The following ABCG1 variants were observed in gnomAD, a reference collection of about 807,000 sequenced individuals.
ABCG1 encodes ATP-binding cassette sub-family G member 1.
A neutral mutation model predicts 69.2 loss-of-function variants in ABCG1; 29 were observed. That is an observed-to-expected ratio of 0.42 (90% CI 0.31 to 0.57). The LOEUF is 0.57. ABCG1 is among the 20% of genes least tolerant of loss of function. The pLI is 0.15. For missense variants in ABCG1, 718 were observed against 898.1 expected (o/e 0.80, Z 2.56); for synonymous variants, 370 against 374.8 (o/e 0.99, Z 0.15).
At chr21:42,259,790 G>A (rs1013956219) in intron 2 of ABCG1, among the ~76,000 whole-genome samples, 50 of 152,238 alleles carry the variant, frequency 3.3e-4, no homozygotes, top group Non-Finnish European at 8.8e-5. Context: ...AGAGGCAGAG[G>A]TGGGGTGTTT....
At chr21:42,256,337 G>T (rs773516073) in intron 2 of ABCG1, 1 of 1,549,768 alleles carries the variant, frequency 6.5e-7, no homozygotes, top group Non-Finnish European at 8.7e-7. Context: ...CTCTCTGCTG[G>T]GGCTCCGGGA....
chr21:42,237,308 G>A (rs1358685719), intron 2 of ABCG1, among the ~76,000 whole-genome samples: 2 of 152,206 alleles, frequency 1.3e-5, no homozygotes, highest in Non-Finnish European at 1.5e-5. Context: ...CTGCGTCTCC[G>A]CAGCCACTCC....
intron 2 of ABCG1, among the ~76,000 whole-genome samples, chr21:42,233,209 G>A (rs778543103): frequency 5.3e-5 from 8 of 152,160 alleles, no homozygotes; most frequent in Admixed American, 1.3e-4. Flanking sequence ...TGTCACCTCC[G>A]TGCTCTGTGG....
Position 42,290,208 on chromosome 21 carries a change from T to C in ABCG1, c.1383T>C (p.Thr461=), listed in dbSNP as rs1397276759. ...LFLMFAALMP[T]VLTFPLEMGV... ...TCATGTTCGCGGCCCTCATGCCTAC[T>C]GTTCTGACATGTGAGTGACAGACCG... Residue 461 remains threonine, a synonymous_variant, in exon 11 of 15, where the codon ACT becomes ACC. Transcript: ENST00000398449. 1 of 1,614,020 alleles carries C rather than the reference T, an allele frequency of 6.2e-7. No homozygotes were observed. The highest frequency in any genetic ancestry group is 8.5e-7 in the Non-Finnish European group (1 of 1,179,864).
At chr21:42,214,807 T>A (rs1218742951), upstream of ABCG1, among the ~76,000 whole-genome samples, 1 of 152,174 alleles carries the variant, frequency 6.6e-6, no homozygotes, top group African/African-American at 2.4e-5. Flanking sequence ...CTCCCCATTC[T>A]CCTACCCAGT....
rs1316443100 is a variant in ABCG1 at position 42,288,647 on chromosome 21, G to T, written c.1224+335G>T. ...GCTTGAACCCAGGGGGGCGGAGATT[G>T]CAGTGAGCCGAGATTGCACCACTGC... On this transcript the variant is annotated intron_variant, in intron 10 of 14. Transcript: ENST00000398449. This position sits in a 1 kb window ranked among gnomAD's most constrained non-coding sequence, Gnocchi z 4.8. 6.6e-6 allele frequency among the ~76,000 whole-genome samples: 1 copy of T among 152,094 alleles called. No individual in the cohort carries two copies. The highest frequency in any genetic ancestry group is 2.4e-5 in the African/African-American group (1 of 41,386).
At chr21:42,204,263 C>T (rs1353947461) in intron 2 of ABCG1, among the ~76,000 whole-genome samples, 1 of 152,098 alleles carries the variant, frequency 6.6e-6, no homozygotes, top group Admixed American at 6.5e-5. Context: ...ACCACACTGG[C>T]TGGAAATTCC....
chr21:42,250,140 C>T (rs1280638020), intron 2 of ABCG1, among the ~76,000 whole-genome samples: 1 of 151,916 alleles, frequency 6.6e-6, no homozygotes, highest in Admixed American at 6.6e-5. Flanking sequence ...GATTCTAAGT[C>T]TAAACCACTG....
chr21:42,295,614 A>G lies in ABCG1; in HGVS notation c.1773-550A>G, dbSNP rs547197175. On this transcript the variant is annotated intron_variant, in intron 14 of 14. Transcript: ENST00000398449. ...ACAAGCTCTTCTTCTCTAGAATGTC[A>G]GTTCAGACTTAGGTATATTGTTCAA... is the stretch of plus-strand genomic sequence containing the variant. 9.2e-5 allele frequency among the ~76,000 whole-genome samples: 14 copies of G among 152,368 alleles called. No homozygotes were observed. The South Asian group carries it at 2.7e-3, about 29-fold the overall frequency.
At chr21:42,267,527 G>T (rs111166949) in intron 2 of ABCG1, among the ~76,000 whole-genome samples, 4 of 150,040 alleles carry the variant, frequency 2.7e-5, no homozygotes, top group African/African-American at 9.9e-5. Context: ...GTCTGGGTCT[G>T]GTCTGGGTTC....
At chr21:42,293,089 A>ACACAC (rs2069110238) in intron 13 of ABCG1, among the ~76,000 whole-genome samples, 1 of 112,928 alleles carries the variant, frequency 8.9e-6, no homozygotes, top group Non-Finnish European at 1.8e-5. Context: ...CACACACACT[A>ACACAC]CACACCACAC....
intron 2 of ABCG1, among the ~76,000 whole-genome samples, chr21:42,237,584 A>C (rs565420016): frequency 6.6e-6 from 1 of 152,374 alleles, no homozygotes; most frequent in South Asian, 2.1e-4. Flanking sequence ...CTGCCCAGCC[A>C]GTGCCTGGCT....
chr21:42,226,265 T>G (rs1440893707), intron 2 of ABCG1, among the ~76,000 whole-genome samples: 2 of 152,208 alleles, frequency 1.3e-5, no homozygotes, highest in Non-Finnish European at 2.9e-5. Context: ...AAGATGGAAC[T>G]GTTTTTCAAC....
At chr21:42,209,728 T>C (rs1177127358) in intron 2 of ABCG1, among the ~76,000 whole-genome samples, 1 of 152,178 alleles carries the variant, frequency 6.6e-6, no homozygotes, top group Non-Finnish European at 1.5e-5. Context: ...AGAATAATAA[T>C]AGTGAGCACC....
At chr21:42,263,572 A>C (rs1436194591) in intron 2 of ABCG1, among the ~76,000 whole-genome samples, 1 of 152,214 alleles carries the variant, frequency 6.6e-6, no homozygotes, top group Non-Finnish European at 1.5e-5. Context: ...CGACATTTAC[A>C]GCAAAATGTA....
chr21:42,208,173 G>A (rs1472303618), intron 2 of ABCG1, among the ~76,000 whole-genome samples: 2 of 150,902 alleles, frequency 1.3e-5, no homozygotes, highest in African/African-American at 4.9e-5. Flanking sequence ...TGTCCTCTAG[G>A]TTCCCCTTTT....
In ABCG1 at chr21:42,291,748, C is replaced by CCTGACCCTCCTAGATGGGGACCCA. The variant is rs2069065921; in HGVS notation, c.1653+94_1653+95insGACCCTCCTAGATGGGGACCCACT. The CCTGACCCTCCTAGATGGGGACCCA allele has an allele frequency of 1.4e-6, 2 of 1,394,560 alleles. No homozygotes were observed. The highest frequency in any genetic ancestry group is 9.5e-7 in the Non-Finnish European group (1 of 1,050,072). The allele number at this position is 1,394,560 out of a possible 1,614,324, so 86.4% of individuals were successfully genotyped here. The stretch of plus-strand genomic sequence containing the variant: ...GCTAGGGGGCTCTGCCACCCCTTCC[C>CCTGACCCTCCTAGATGGGGACCCA]CTACTTCTGCCCTGACCCTCCTAGA... On this transcript the variant is annotated intron_variant, in intron 13 of 14. Coordinates refer to ENST00000398449, the MANE Select transcript of ABCG1 (RefSeq NM_016818.3). The surrounding 1 kb of genome is among the most constrained non-coding windows in gnomAD (Gnocchi z 6.4).
At chr21:42,238,662 C>T (rs1457025615) in intron 2 of ABCG1, among the ~76,000 whole-genome samples, 2 of 152,180 alleles carry the variant, frequency 1.3e-5, no homozygotes, top group Non-Finnish European at 2.9e-5. Context: ...CAAAGCTTGG[C>T]AAGCAACATT....
intron 7 of ABCG1, 121 bp from the exon 8 acceptor site, chr21:42,285,759 G>A: frequency 1.4e-6 from 1 of 730,218 alleles, no homozygotes; most frequent in East Asian, 2.5e-5. Flanking sequence ...GAGAGGAAGT[G>A]GCTGATCGCT....
Sources: allele counts gnomAD v4.1 joint callset (sites outside exome capture counted in the v4.1 genomes callset), GRCh38; gene constraint gnomAD v4.1.1; non-coding constraint Gnocchi (gnomAD v3.1); transcripts MANE v1.5; gene names NCBI Gene and HGNC (gene_info 2026-07-23, HGNC 2026-07-21).